ZSCAN20: variants seen among roughly 807,000 people sequenced by gnomAD.
The protein encoded by ZSCAN20 is zinc finger and SCAN domain-containing protein 20.
A neutral mutation model predicts 97.1 loss-of-function variants in ZSCAN20; 39 were observed. The observed-to-expected ratio is 0.40, with a 90% CI of 0.31 to 0.52. The LOEUF is 0.52. ZSCAN20 is among the 20% of genes least tolerant of loss of function. ZSCAN20 has a pLI of 0.49. For missense variants in ZSCAN20, 1,115 were observed against 1,290.4 expected (o/e 0.86, Z 2.08); for synonymous variants, 456 against 467.3 (o/e 0.98, Z 0.31).
intron 2 of ZSCAN20, among the ~76,000 whole-genome samples, chr1:33,484,401 G>C (rs992370914): frequency 6.6e-6 from 1 of 151,972 alleles, no homozygotes; most frequent in Non-Finnish European, 1.5e-5. Flanking sequence ...CATGTGTGTT[G>C]GATTTTGTCA....
At chr1:33,484,027 T>C (rs1652256841) in intron 2 of ZSCAN20, among the ~76,000 whole-genome samples, 1 of 152,242 alleles carries the variant, frequency 6.6e-6, no homozygotes, top group African/African-American at 2.4e-5. Context: ...AGGAAGGCGA[T>C]TGACTTTTGC....
chr1:33,494,908 G>T lies in ZSCAN20; in HGVS notation c.2564G>T (p.Ser855Ile). 1 of 1,614,194 alleles carries T rather than the reference G, an allele frequency of 6.2e-7. No homozygotes were observed. Among genetic ancestry groups the T allele is most frequent in the Admixed American group, 1.7e-5 (1 of 60,022 alleles). The stretch of plus-strand genomic sequence containing the variant: ...GAGACAGCTCCTGAACAACCTCAAA[G>T]TATCAGTAAGGACTTGAATTCTCCT... ...TEETAPEQPQ[S>I]ISKDLNSPGP... is the part of the protein sequence containing the mutation. The change falls in exon 8 of 8, where the codon AGT becomes ATT. Residue 855 changes from serine to isoleucine, a missense_variant. Ser to Ile is a moderately radical substitution (Grantham distance 142). This residue lies in a region of ZSCAN20 where 554 missense variants were observed against 584.9 expected (regional missense o/e 0.95). Transcript: ENST00000684572.
chr1:33,492,037 T>C (rs1013479376), intron 6 of ZSCAN20: 1 of 192,288 alleles, frequency 5.2e-6, no homozygotes, highest in African/African-American at 2.3e-5. Flanking sequence ...ATATTTCTCT[T>C]AATTTGTATG....
rs907332536 is a variant in ZSCAN20 at position 33,497,315 on chromosome 1, T to A, written c.*1839T>A. On this transcript the variant is annotated 3_prime_UTR_variant, in exon 8 of 8. Coordinates refer to ENST00000684572, the MANE Select transcript of ZSCAN20 (RefSeq NM_001377376.1). ...TCTCTGCGGGGCAGGGGTCATGGGA[T>A]GAACCCTGGATAGAAGTCAGCAGAT... Among the ~76,000 whole-genome samples, 2 of 152,170 alleles carry A rather than the reference T, an allele frequency of 1.3e-5. No homozygotes were observed. Among genetic ancestry groups the A allele is most frequent in the African/African-American group, 4.8e-5 (2 of 41,430 alleles).
In ZSCAN20 at chr1:33,494,931, C is replaced by T. The variant is rs1045093851; in HGVS notation, c.2587C>T (p.Pro863Ser). The change falls in exon 8 of 8, where the codon CCT becomes TCT. Residue 863 changes from proline to serine, a missense_variant. By Grantham distance (74) the Pro-to-Ser change is moderately conservative. This residue lies in a region of ZSCAN20 where 554 missense variants were observed against 584.9 expected (regional missense o/e 0.95). Transcript: ENST00000684572. ...AAGTATCAGTAAGGACTTGAATTCT[C>T]CTGGACCACACAGCACAAACTCAGG... ...PQSISKDLNS[P>S]GPHSTNSGEK... 3.1e-6 allele frequency: 5 copies of T among 1,614,058 alleles called. No homozygotes were observed. The African/African-American group carries it at 6.7e-5, about 22-fold the overall frequency.
In ZSCAN20 at chr1:33,498,595, G is replaced by A. The variant is rs902252149; in HGVS notation, c.*3119G>A. On this transcript the variant is annotated 3_prime_UTR_variant, in exon 8 of 8. Transcript: ENST00000684572. Reference sequence around the variant, plus strand: ...TTTACACACCCTGAGCTTTGCTAGCGTGATTCTGCTCTTGGGAAGTAGATT... The same window carrying A: ...TTTACACACCCTGAGCTTTGCTAGCATGATTCTGCTCTTGGGAAGTAGATT... 1.3e-5 allele frequency among the ~76,000 whole-genome samples: 2 copies of A among 152,188 alleles called. No individual in the cohort carries two copies. Among genetic ancestry groups the A allele is most frequent in the African/African-American group, 4.8e-5 (2 of 41,424 alleles).
rs185117218 is a variant in ZSCAN20, at chr1:33,498,346, C to A, written c.*2870C>A. Among the ~76,000 whole-genome samples, 32 of 152,310 alleles carry A rather than the reference C, an allele frequency of 2.1e-4. 1 individual carries two copies. Among genetic ancestry groups the A allele is most frequent in the Admixed American group, 1.8e-3 (28 of 15,298 alleles). ...GATGTTTATTATCTGCCATTCTTGT[C>A]TCATGAATCTTAATAGAGGTTCAGT... On this transcript the variant is annotated 3_prime_UTR_variant, in exon 8 of 8. Transcript: ENST00000684572.
chr1:33,494,920 A>C lies in ZSCAN20; in HGVS notation c.2576A>C (p.Asp859Ala). 6.2e-7 allele frequency: 1 copy of C among 1,614,212 alleles called. No homozygotes were observed. The highest frequency in any genetic ancestry group is 1.1e-5 in the South Asian group (1 of 91,088). The change falls in exon 8 of 8, where the codon GAC becomes GCC. Residue 859 changes from aspartate (D) to alanine (A), a missense_variant. Physicochemically the swap from Asp to Ala is moderately radical, Grantham distance 126 (BLOSUM62 -2). Transcript: ENST00000684572. ...GAACAACCTCAAAGTATCAGTAAGG[A>C]CTTGAATTCTCCTGGACCACACAGC... is the stretch of plus-strand genomic sequence containing the variant. Reference protein sequence around the residue: ...APEQPQSISKDLNSPGPHSTN... With the variant: ...APEQPQSISKALNSPGPHSTN...
intron 4 of ZSCAN20, 91 bp from the exon 5 acceptor site, chr1:33,489,427 T>C: frequency 7.7e-7 from 1 of 1,305,232 alleles, no homozygotes; most frequent in Non-Finnish European, 1.1e-6. Context: ...ATCCCTCTGT[T>C]CCCATCATCT....
intron 4 of ZSCAN20, 50 bp from the exon 5 acceptor site, chr1:33,489,468 G>C: frequency 1.3e-6 from 2 of 1,583,814 alleles, no homozygotes; most frequent in Non-Finnish European, 1.7e-6. Context: ...TTCCTAGGCT[G>C]TTGTCAAAGG....
rs1652588178 is a variant in ZSCAN20 at position 33,491,136 on chromosome 1, A to G, written c.878A>G (p.Asp293Gly). 2 of 1,614,020 alleles carry G rather than the reference A, an allele frequency of 1.2e-6. No homozygotes were observed. Among genetic ancestry groups the G allele is most frequent in the African/African-American group, 2.7e-5 (2 of 74,908 alleles). The stretch of plus-strand genomic sequence containing the variant: ...AGGAGCACTGCAGATTACAGCCTGG[A>G]TAATGAGCCAGCTCAGGCATTGACC... Reference protein sequence around the residue: ...GKRSTADYSLDNEPAQALTWR... With the variant: ...GKRSTADYSLGNEPAQALTWR... Residue 293 changes from aspartate to glycine, a missense_variant, in exon 6 of 8, where the codon GAT becomes GGT. Asp to Gly is a moderately conservative substitution (Grantham distance 94, BLOSUM62 -1). Around this residue, in one of 3 missense-constraint regions of ZSCAN20, gnomAD observed 508 missense variants for 611.2 expected, o/e 0.83. Coordinates refer to ENST00000684572, the MANE Select transcript of ZSCAN20 (RefSeq NM_001377376.1). This position sits in a 1 kb window ranked among gnomAD's most constrained non-coding sequence, Gnocchi z 4.3.
rs1052879740 is a variant in ZSCAN20, at chr1:33,493,290, G to A, written c.1548G>A (p.Val516=). The A allele has an allele frequency of 2.0e-5, 33 of 1,614,138 alleles. No homozygotes were observed. Among genetic ancestry groups the A allele is most frequent in the Middle Eastern group, 1.6e-4 (1 of 6,084 alleles). ...KLRTCHQNSQ[V]YRAIAERLCA... ...GTACCTGTCACCAGAACAGCCAGGT[G>A]TACCGGGCCATTGCAGAGCGGCTGT... The change falls in exon 7 of 8, where the codon GTG becomes GTA. Residue 516 remains valine, a synonymous_variant. Coordinates refer to ENST00000684572, the MANE Select transcript of ZSCAN20 (RefSeq NM_001377376.1). The surrounding 1 kb of genome is among the most constrained non-coding windows in gnomAD (Gnocchi z 4.3).
chr1:33,485,338 T>G (rs1652318728), intron 2 of ZSCAN20, among the ~76,000 whole-genome samples: 1 of 152,238 alleles, frequency 6.6e-6, no homozygotes, highest in Non-Finnish European at 1.5e-5. Context: ...TTTATTATAC[T>G]TTCAGTGTCT....
At position 33,494,616 on chromosome 1, in the gene ZSCAN20, A is replaced by G. The variant is rs1652774970; in HGVS notation, c.2272A>G (p.Arg758Gly). Residue 758 changes from arginine (R) to glycine (G), a missense_variant, in exon 8 of 8, where the codon AGA (arginine) becomes GGA (glycine). Coordinates refer to ENST00000684572, the MANE Select transcript of ZSCAN20 (RefSeq NM_001377376.1). ...SDRSNLNTHQ[R>G]IHTGEKPYKC... ...CCGCTCTAACCTCAATACCCATCAG[A>G]GAATCCACACTGGAGAGAAGCCCTA... 1 of 1,614,034 alleles carries G rather than the reference A, an allele frequency of 6.2e-7. No individual in the cohort carries two copies. The highest frequency in any genetic ancestry group is 8.5e-7 in the Non-Finnish European group (1 of 1,179,882).
chr1:33,476,739 C>T (rs539787597), intron 1 of ZSCAN20, among the ~76,000 whole-genome samples: 3 of 152,190 alleles, frequency 2.0e-5, no homozygotes, highest in Middle Eastern at 3.4e-3. Flanking sequence ...TCATGAAAGG[C>T]GAATTCTTTA....
At position 33,494,743 on chromosome 1, in the gene ZSCAN20, G is replaced by A. The variant is rs1322412485; in HGVS notation, c.2399G>A (p.Trp800Ter). Reference protein sequence around the residue: ...GEKPYKCGECWKSFNQSSNLL... With the variant: ...GEKPYKCGEC ...AAGCCCTATAAATGTGGAGAATGTT[G>A]GAAAAGCTTCAACCAGAGCTCAAAC... The change falls in exon 8 of 8, where the codon TGG becomes TAG. Residue 800 changes from tryptophan to a stop codon, truncating the protein, a stop_gained. Transcript: ENST00000684572. LOFTEE classifies it high-confidence loss of function. 1 of 1,614,006 alleles carries A rather than the reference G, an allele frequency of 6.2e-7. No individual in the cohort carries two copies. The highest frequency in any genetic ancestry group is 8.5e-7 in the Non-Finnish European group (1 of 1,180,032).
rs1476676276 is a variant in ZSCAN20 at position 33,493,540 on chromosome 1, C to T, written c.1798C>T (p.Gln600Ter). 6.2e-7 allele frequency: 1 copy of T among 1,613,156 alleles called. No individual in the cohort carries two copies. Among genetic ancestry groups the T allele is most frequent in the East Asian group, 2.2e-5 (1 of 44,842 alleles). The change falls in exon 7 of 8, where the codon CAG becomes TAG. Residue 600 changes from glutamine (Q) to a stop codon, truncating the protein, a stop_gained. Transcript: ENST00000684572. LOFTEE classifies it high-confidence loss of function. The surrounding 1 kb of genome is among the most constrained non-coding windows in gnomAD (Gnocchi z 4.3). ...CGQSSAETDAQEAWGEVANED... is the reference protein window; with the variant it reads ...CGQSSAETDA ...GCAGAGTAGTGCTGAGACTGATGCC[C>T]AGGAGGCCTGGGGTGAAGTGGCCAA... is the stretch of plus-strand genomic sequence containing the variant.
rs1193539149 is a variant in ZSCAN20, at chr1:33,500,567, T to C, written c.*5091T>C. Among the ~76,000 whole-genome samples the C allele has an allele frequency of 6.6e-6, 1 of 152,048 alleles. No individual in the cohort carries two copies. The highest frequency in any genetic ancestry group is 2.4e-5 in the African/African-American group (1 of 41,404). ...AGTCGACTAGGGAGTCACATAGACA[T>C]TGATTTTCTAATGAGGGCGCTGTTG... On this transcript the variant is annotated 3_prime_UTR_variant, in exon 8 of 8. Transcript: ENST00000684572.
chr1:33,477,484 C>T (rs1007890724), intron 1 of ZSCAN20, among the ~76,000 whole-genome samples: 1 of 151,744 alleles, frequency 6.6e-6, no homozygotes, highest in African/African-American at 2.4e-5. Context: ...TTCAAATAAC[C>T]CAGCATGGGT....
Sources: allele counts gnomAD v4.1 joint callset (sites outside exome capture counted in the v4.1 genomes callset), GRCh38; gene constraint gnomAD v4.1.1; regional missense constraint gnomAD v4.1.1; non-coding constraint Gnocchi (gnomAD v3.1); transcripts MANE v1.5; gene names NCBI Gene and HGNC (gene_info 2026-07-23, HGNC 2026-07-21).